Variants in SUSD1 observed in about 807,000 individuals in gnomAD.
The protein encoded by SUSD1 is sushi domain-containing protein 1.
A neutral mutation model predicts 86.9 loss-of-function variants in SUSD1; 65 were observed. The observed-to-expected ratio is 0.75, with a 90% CI of 0.61 to 0.92. SUSD1 has a LOEUF of 0.92. Ranked by LOEUF, SUSD1 falls within the 40% of genes least tolerant of loss-of-function variation. The pLI is 0.00. For missense variants in SUSD1, 850 were observed against 929.7 expected (o/e 0.91, Z 1.11); for synonymous variants, 346 against 350.0 (o/e 0.99, Z 0.13).
At chr9:112,053,263 C>A (rs1157092684) in intron 14 of SUSD1, among the ~76,000 whole-genome samples, 1 of 151,616 alleles carries the variant, frequency 6.6e-6, no homozygotes, top group Non-Finnish European at 1.5e-5. Flanking sequence ...ACCTGTAATC[C>A]CAGCACTTTG....
intron 14 of SUSD1, among the ~76,000 whole-genome samples, chr9:112,053,819 G>A (rs1490244573): frequency 6.6e-6 from 1 of 152,178 alleles, no homozygotes. Context: ...TGCTGGCAGT[G>A]GTATGAAGCA....
chr9:112,089,583 G>A (rs1414807050), intron 10 of SUSD1, among the ~76,000 whole-genome samples: 3 of 152,118 alleles, frequency 2.0e-5, no homozygotes, highest in African/African-American at 7.2e-5. Context: ...ACTTTGGGAG[G>A]CCAAGGAGGG....
intron 10 of SUSD1, among the ~76,000 whole-genome samples, chr9:112,096,424 T>A (rs2762468): frequency 0.62 from 93,858 of 151,940 alleles, 29,384 homozygotes; most frequent in East Asian, 0.78. Context: ...TAGAACACAC[T>A]CTCCACTCAG....
At position 112,137,365 on chromosome 9, in the gene SUSD1, T is replaced by A. The variant is rs1347594514; in HGVS notation, c.706+4955A>T. On this transcript the variant is annotated intron_variant, in intron 5 of 16. Transcript: ENST00000374270. Reference sequence around the variant, plus strand: ...GAAGATCTTTTAAATAACAGTTCTTTGGGAAAATGCAGCAAGCACTCTCCT... The same window carrying A: ...GAAGATCTTTTAAATAACAGTTCTTAGGGAAAATGCAGCAAGCACTCTCCT... Among the ~76,000 whole-genome samples, 3 of 152,166 alleles carry A rather than the reference T, an allele frequency of 2.0e-5. No individual in the cohort carries two copies. The East Asian group carries it at 5.8e-4, about 29-fold the overall frequency.
intron 13 of SUSD1, 141 bp from the exon 14 acceptor site, chr9:112,058,827 C>T (rs749822779): frequency 3.6e-5 from 37 of 1,015,866 alleles, no homozygotes; most frequent in Non-Finnish European, 4.9e-5. Context: ...TGGAGTCTTG[C>T]TCTGTCACTA....
chr9:112,133,852 A>G (rs1832139619), intron 5 of SUSD1, among the ~76,000 whole-genome samples: 1 of 152,234 alleles, frequency 6.6e-6, no homozygotes, highest in Non-Finnish European at 1.5e-5. Flanking sequence ...TCTACAAGGA[A>G]CTTAAACAAT....
chr9:112,105,770 C>T (rs1352231011), intron 8 of SUSD1, among the ~76,000 whole-genome samples: 1 of 152,166 alleles, frequency 6.6e-6, no homozygotes, highest in Non-Finnish European at 1.5e-5. Flanking sequence ...CAGTGCAAAA[C>T]ATGAACATTT....
intron 1 of SUSD1, among the ~76,000 whole-genome samples, chr9:112,170,841 C>G (rs943965355): frequency 1.3e-5 from 2 of 151,808 alleles, no homozygotes; most frequent in Admixed American, 1.3e-4. Context: ...TCTGGAGTAG[C>G]TAGGATTACA....
intron 1 of SUSD1, among the ~76,000 whole-genome samples, chr9:112,174,822 G>A (rs937252719): frequency 3.3e-5 from 5 of 152,000 alleles, no homozygotes; most frequent in Non-Finnish European, 5.9e-5. Flanking sequence ...CCGGGTCCGC[G>A]CTCGCGCCCA....
rs1564306967 is a variant in SUSD1, at chr9:112,113,792, C to T, written c.887-924G>A. Among the ~76,000 whole-genome samples, 2 of 152,018 alleles carry T rather than the reference C, an allele frequency of 1.3e-5. No homozygotes were observed. The highest frequency in any genetic ancestry group is 2.9e-5 in the Non-Finnish European group (2 of 67,992). ...ACTAAAAATACAAAACTTAGCGGTG[C>T]ACGGTGGCACATGCCTGTAATCTCA... On this transcript the variant is annotated intron_variant, in intron 6 of 16. Transcript: ENST00000374270. This position sits in a 1 kb window ranked among gnomAD's most constrained non-coding sequence, Gnocchi z 4.1.
chr9:112,119,311 G>A (rs1194323984), intron 6 of SUSD1, among the ~76,000 whole-genome samples: 1 of 152,164 alleles, frequency 6.6e-6, no homozygotes, highest in Non-Finnish European at 1.5e-5. Context: ...CCGGCCATGT[G>A]GCTATTTATG....
At chr9:112,069,686 AC>A (rs199713030) in intron 12 of SUSD1, among the ~76,000 whole-genome samples, 1 of 78,922 alleles carries the variant, frequency 1.3e-5, no homozygotes, top group Non-Finnish European at 2.7e-5. Flanking sequence ...GCCCCACCCC[AC>A]CCCGCCCCGC....
chr9:112,044,940 C>T (rs765394825), intron 15 of SUSD1, among the ~76,000 whole-genome samples: 29 of 152,182 alleles, frequency 1.9e-4, no homozygotes, highest in Non-Finnish European at 3.8e-4. Context: ...TTAATAAAGA[C>T]ATACCTCAAT....
At chr9:112,052,761 G>A (rs919670974) in intron 14 of SUSD1, among the ~76,000 whole-genome samples, 20 of 152,168 alleles carry the variant, frequency 1.3e-4, no homozygotes, top group African/African-American at 4.3e-4. Flanking sequence ...GGCATGGACC[G>A]CCTAGAGAAT....
At chr9:112,155,978 G>A (rs1283365844) in intron 2 of SUSD1, among the ~76,000 whole-genome samples, 1 of 150,214 alleles carries the variant, frequency 6.7e-6, no homozygotes, top group African/African-American at 2.5e-5. Context: ...GGAAAGGAGA[G>A]AGAAAGAAAG....
intron 8 of SUSD1, among the ~76,000 whole-genome samples, chr9:112,111,410 T>G (rs1831091011): frequency 6.6e-6 from 1 of 152,198 alleles, no homozygotes; most frequent in Non-Finnish European, 1.5e-5. Flanking sequence ...AATGCCTTTT[T>G]ATTACTTTCC....
chr9:112,149,166 C>T, intron 3 of SUSD1, 78 bp downstream of exon 3: 1 of 1,547,680 alleles, frequency 6.5e-7, no homozygotes, highest in South Asian at 1.2e-5. Context: ...CATTAATTCC[C>T]TAATATTAAC....
intron 5 of SUSD1, among the ~76,000 whole-genome samples, chr9:112,130,071 A>G (rs572497288): frequency 6.6e-6 from 1 of 152,266 alleles, no homozygotes; most frequent in African/African-American, 2.4e-5. Flanking sequence ...AGGCCTCAGT[A>G]ATTTTAATAA....
chr9:112,151,256 G>A (rs958461552), intron 2 of SUSD1, among the ~76,000 whole-genome samples: 2 of 152,134 alleles, frequency 1.3e-5, no homozygotes, highest in African/African-American at 4.8e-5. Context: ...CAGCCTTACT[G>A]TAAACTTTCT....
Sources: gnomAD v4.1 joint callset for allele counts (sites outside exome capture counted in the v4.1 genomes callset) on GRCh38, gnomAD v4.1.1 for gene constraint, Gnocchi (gnomAD v3.1) non-coding constraint, MANE v1.5 for transcripts, NCBI Gene and HGNC (gene_info 2026-07-23, HGNC 2026-07-21) for gene names.